PLEKHG1: variants seen among roughly 807,000 people sequenced by gnomAD.
PLEKHG1 encodes pleckstrin homology domain-containing family G member 1.
A neutral mutation model predicts 100.8 loss-of-function variants in PLEKHG1; 44 were observed. The ratio of observed to expected loss-of-function variants is 0.44; its 90% CI spans 0.34 to 0.56. The LOEUF (loss-of-function observed/expected upper bound fraction) is 0.56, where lower values mean the gene tolerates loss of function less well. Among genes scored for constraint, PLEKHG1 ranks in the 20% least tolerant of loss-of-function variants. PLEKHG1 has a pLI of 0.01. For synonymous variants in PLEKHG1, 640 were observed against 662.5 expected, an observed-to-expected ratio of 0.97 and a Z score of 0.52; for missense variants, 1,545 against 1,720.9, an observed-to-expected ratio of 0.90 and a Z score of 1.81.
At chr6:150,765,206 C>T (rs1215995057) in intron 2 of PLEKHG1, among the ~76,000 whole-genome samples, 1 of 151,834 alleles carries the variant, frequency 6.6e-6, no homozygotes, top group Non-Finnish European at 1.5e-5. Context: ...AAGATTATTT[C>T]TCAGGGCCAG....
chr6:150,599,938 C>G (rs1005547854), exon 1 of PLEKHG1: 1 of 198,706 alleles, frequency 5.0e-6, no homozygotes, highest in Non-Finnish European at 1.0e-5. Flanking sequence ...TCCGGCAGCC[C>G]GAGCCGGCGC....
exon 16 of PLEKHG1, chr6:150,842,379 GGTAAGC>G (rs1777564200): frequency 6.6e-6 from 1 of 151,558 alleles, no homozygotes; most frequent in Non-Finnish European, 1.5e-5. Context: ...TTCATTTAAA[GGTAAGC>G]AGTAATATTG....
exon 2 of PLEKHG1, chr6:150,733,654 G>A: frequency 6.2e-7 from 1 of 1,614,100 alleles, no homozygotes; most frequent in South Asian, 1.1e-5. Flanking sequence ...CGACAGCCAG[G>A]CGTTCCTGCC....
chr6:150,742,725 G>A (rs137895416), intron 2 of PLEKHG1, among the ~76,000 whole-genome samples: 195 of 152,262 alleles, frequency 1.3e-3, no homozygotes, highest in African/African-American at 3.2e-3. Context: ...ATTTCAATAT[G>A]AGGTTTGGGC....
At position 150,600,169 on chromosome 6, in the gene PLEKHG1, GT is replaced by G. The variant is rs1025871483; in HGVS notation, c.-204+153del. ...CCGGCCCCCTGCGCGCCCCTCCGCA[GT>G]GGGGACGGAGGGCCTTGGGGGGCGC... On this transcript the variant is annotated intron_variant, in intron 1 of 3. Transcript: ENST00000367326. The surrounding 1 kb of genome is among the most constrained non-coding windows in gnomAD (Gnocchi z 6.2). 3.3e-5 allele frequency among the ~76,000 whole-genome samples: 5 copies of G among 151,488 alleles called. No homozygotes were observed. Among genetic ancestry groups the G allele is most frequent in the African/African-American group, 1.2e-4 (5 of 41,296 alleles).
chr6:150,738,317 G>T (rs1782681426), intron 2 of PLEKHG1, among the ~76,000 whole-genome samples: 1 of 152,102 alleles, frequency 6.6e-6, no homozygotes, highest in Non-Finnish European at 1.5e-5. Context: ...CTCAAGTTTA[G>T]ATTTCATTTT....
chr6:150,668,358 C>CA lies in PLEKHG1; in HGVS notation c.-99+17579dup, dbSNP rs557767477. On this transcript the variant is annotated intron_variant, in intron 3 of 3. Transcript: ENST00000367326. ...TTTTCAACTCCCTGTAGTCCAGTTC[C>CA]AAAAAAAGGAATGATGGTTTTCTTG... is the stretch of plus-strand genomic sequence containing the variant. Among the ~76,000 whole-genome samples the CA allele has an allele frequency of 3.1e-3, 470 of 152,070 alleles. 5 individuals carry two copies. Among genetic ancestry groups the CA allele is most frequent in the African/African-American group, 0.011 (441 of 41,526 alleles).
At chr6:150,756,351 C>T (rs977376188) in intron 2 of PLEKHG1, among the ~76,000 whole-genome samples, 7 of 152,176 alleles carry the variant, frequency 4.6e-5, no homozygotes, top group African/African-American at 1.7e-4. Context: ...TAAGATTCTT[C>T]TGTGATGAGA....
At chr6:150,828,241 G>T (rs1776723718) in intron 14 of PLEKHG1, 2 of 1,613,700 alleles carry the variant, frequency 1.2e-6, no homozygotes, top group Non-Finnish European at 1.7e-6. Context: ...GACAAGAGAT[G>T]AGTTGGAATG....
At chr6:150,833,123 G>C (rs1169923939) in intron 15 of PLEKHG1, among the ~76,000 whole-genome samples, 4 of 150,384 alleles carry the variant, frequency 2.7e-5, no homozygotes, top group Admixed American at 1.3e-4. Flanking sequence ...GCTTACTGCA[G>C]CCTCTGCCTC....
intron 2 of PLEKHG1, among the ~76,000 whole-genome samples, chr6:150,759,028 G>T (rs187084400): frequency 6.6e-6 from 1 of 152,328 alleles, no homozygotes; most frequent in African/African-American, 2.4e-5. Flanking sequence ...ACTGGTTTGG[G>T]GAAGGAGTGT....
At chr6:150,807,281 G>T (rs1426492572) in intron 7 of PLEKHG1, among the ~76,000 whole-genome samples, 1 of 152,176 alleles carries the variant, frequency 6.6e-6, no homozygotes, top group South Asian at 2.1e-4. Flanking sequence ...TCCACTGGGG[G>T]TCTTGGAACA....
chr6:150,720,900 G>A (rs1030008979), upstream of PLEKHG1, among the ~76,000 whole-genome samples: 3 of 152,160 alleles, frequency 2.0e-5, no homozygotes, highest in Admixed American at 1.3e-4. Flanking sequence ...GTGCATTTTC[G>A]AGTTACCCAC....
intron 13 of PLEKHG1, 83 bp from the exon 15 acceptor site, chr6:150,823,571 T>C (rs1776424480): frequency 1.3e-5 from 12 of 944,054 alleles, no homozygotes; most frequent in Non-Finnish European, 2.0e-5. Context: ...AATAAGTTTC[T>C]AAGTTCTATA....
At chr6:150,689,703 A>G (rs1780270396) in intron 3 of PLEKHG1, among the ~76,000 whole-genome samples, 1 of 152,136 alleles carries the variant, frequency 6.6e-6, no homozygotes, top group African/African-American at 2.4e-5. Context: ...TAAATGCAAA[A>G]GATTAGCCGT....
At chr6:150,700,526 TGAAAG>T (rs1451139119) in intron 3 of PLEKHG1, among the ~76,000 whole-genome samples, 3 of 152,092 alleles carry the variant, frequency 2.0e-5, no homozygotes, top group African/African-American at 7.3e-5. Context: ...TCAGAGTCTA[TGAAAG>T]GAAAGATTTT....
chr6:150,672,132 A>G lies in PLEKHG1; in HGVS notation c.-99+21346A>G, dbSNP rs183120853. On this transcript the variant is annotated intron_variant, in intron 3 of 3. Coordinates refer to the PLEKHG1 transcript ENST00000367326. ...TAATAGAGAAGTTATTCTCCAGGAC[A>G]CAAAAAAATATGCAGATGTTATCAA... Among the ~76,000 whole-genome samples the G allele has an allele frequency of 4.9e-4, 74 of 152,290 alleles. 1 individual carries two copies. Among genetic ancestry groups the G allele is most frequent in the African/African-American group, 1.7e-3 (70 of 41,562 alleles).
At chr6:150,709,482 A>T (rs990631229) in intron 3 of PLEKHG1, among the ~76,000 whole-genome samples, 1 of 152,178 alleles carries the variant, frequency 6.6e-6, no homozygotes, top group Non-Finnish European at 1.5e-5. Flanking sequence ...GCCTCAAGAG[A>T]GTCTATGGAG....
At chr6:150,647,711 C>T (rs1260070652) in intron 2 of PLEKHG1, among the ~76,000 whole-genome samples, 7 of 152,192 alleles carry the variant, frequency 4.6e-5, no homozygotes, top group South Asian at 4.2e-4. Flanking sequence ...TTTGTTTTGA[C>T]GTAAAATTCT....
Sources: allele counts gnomAD v4.1 joint callset (sites outside exome capture counted in the v4.1 genomes callset), GRCh38; gene constraint gnomAD v4.1.1; non-coding constraint Gnocchi (gnomAD v3.1); transcripts MANE v1.5; gene names NCBI Gene and HGNC (gene_info 2026-07-23, HGNC 2026-07-21).